SPADH: variants seen among roughly 807,000 people sequenced by gnomAD.
The protein encoded by SPADH is spermadhesin family member, also known as CUB domain-containing protein.
At chr10:122,675,802 T>C in the SPADH span, 1 of 212,310 alleles carries the variant, frequency 4.7e-6, no homozygotes, top group Non-Finnish European at 8.1e-6. Context: ...GACTTGGTAA[T>C]TGGATTCAGC....
At chr10:122,673,169 G>A in the SPADH span, among the ~76,000 whole-genome samples, 5 of 152,166 alleles carry the variant, frequency 3.3e-5, no homozygotes, top group East Asian at 3.9e-4. Context: ...CTGAGTTCCC[G>A]GTCTTGATGT....
the SPADH span, among the ~76,000 whole-genome samples, chr10:122,677,341 AT>A: frequency 6.6e-6 from 1 of 152,184 alleles, no homozygotes. Flanking sequence ...CTCCATAACA[AT>A]AAAACCACTT....
At chr10:122,679,081 G>T in the SPADH span, 3 of 888,622 alleles carry the variant, frequency 3.4e-6, no homozygotes, top group Non-Finnish European at 4.0e-6. Context: ...ACCTGCTGAT[G>T]CTCCCCTGCT....
the SPADH span, chr10:122,676,751 T>C: frequency 1.0e-6 from 1 of 985,402 alleles, no homozygotes; most frequent in Non-Finnish European, 1.2e-6. Flanking sequence ...TTTCTCCTCT[T>C]GTAGCACCCA....
the SPADH span, among the ~76,000 whole-genome samples, chr10:122,678,393 AG>A: frequency 1.3e-5 from 2 of 152,192 alleles, no homozygotes; most frequent in Non-Finnish European, 2.9e-5. Context: ...GCCAGGGGAA[AG>A]GAAGGCAGGA....
the SPADH span, chr10:122,675,770 AG>A: frequency 1.5e-5 from 5 of 327,532 alleles, no homozygotes; most frequent in East Asian, 8.4e-4. Flanking sequence ...GGCACGTACC[AG>A]GGATAATTCT....
the SPADH span, chr10:122,676,993 C>G: frequency 6.5e-6 from 5 of 771,860 alleles, no homozygotes; most frequent in Middle Eastern, 6.5e-4. Context: ...TCCATGACAG[C>G]CATTTGACAC....
At chr10:122,675,852 T>C in the SPADH span, among the ~76,000 whole-genome samples, 1 of 151,908 alleles carries the variant, frequency 6.6e-6, no homozygotes, top group Non-Finnish European at 1.5e-5. Flanking sequence ...CTCTCAGTGC[T>C]CCCCTCCATG....
the SPADH span, chr10:122,673,030 C>A: frequency 1.8e-6 from 1 of 548,008 alleles, no homozygotes; most frequent in Non-Finnish European, 2.3e-6. Context: ...AAGCCCATGG[C>A]TGATTAGCTG....
the SPADH span, chr10:122,676,619 G>A: frequency 1.3e-4 from 75 of 570,326 alleles, no homozygotes; most frequent in Middle Eastern, 4.6e-3. Flanking sequence ...ATCAGACTGG[G>A]CCATTAAGGT....
the SPADH span, among the ~76,000 whole-genome samples, chr10:122,678,530 T>A: frequency 1.3e-5 from 2 of 152,096 alleles, no homozygotes; most frequent in African/African-American, 4.8e-5. Context: ...ACACAGCTGA[T>A]GTTTTGACTA....
chr10:122,675,620 T>C, the SPADH span: 1 of 979,418 alleles, frequency 1.0e-6, no homozygotes, highest in Non-Finnish European at 1.2e-6. Flanking sequence ...ATGGTTTTTT[T>C]TGTTTTGTTT....
the SPADH span, chr10:122,679,076 C>T: frequency 5.4e-6 from 5 of 917,818 alleles, no homozygotes; most frequent in Non-Finnish European, 6.5e-6. Flanking sequence ...GAGGCACCTG[C>T]TGATGCTCCC....
At chr10:122,674,033 G>A in the SPADH span, among the ~76,000 whole-genome samples, 1 of 152,244 alleles carries the variant, frequency 6.6e-6, no homozygotes. Context: ...AACCCTAACA[G>A]CTTGGTGGAA....
At chr10:122,674,952 C>A in the SPADH span, among the ~76,000 whole-genome samples, 1 of 152,192 alleles carries the variant, frequency 6.6e-6, no homozygotes, top group Non-Finnish European at 1.5e-5. Flanking sequence ...CGTGGGCCTG[C>A]CCGCTAGATC....
the SPADH span, among the ~76,000 whole-genome samples, chr10:122,676,498 G>A: frequency 6.6e-6 from 1 of 152,182 alleles, no homozygotes; most frequent in East Asian, 1.9e-4. Flanking sequence ...TTTTAGTAAG[G>A]GGAGTTAAGT....
the SPADH span, chr10:122,675,499 C>T: frequency 6.5e-4 from 110 of 168,362 alleles, no homozygotes; most frequent in African/African-American, 2.5e-3. Flanking sequence ...CTTCTTCCTG[C>T]TTAGCTCTGT....
At chr10:122,674,092 G>A in the SPADH span, among the ~76,000 whole-genome samples, 1 of 152,354 alleles carries the variant, frequency 6.6e-6, no homozygotes, top group African/African-American at 2.4e-5. Flanking sequence ...GTGAAATCAA[G>A]AGACACAAAG....
the SPADH span, chr10:122,675,672 T>C: frequency 3.1e-5 from 30 of 982,150 alleles, no homozygotes; most frequent in South Asian, 4.7e-5. Flanking sequence ...TTGCCACAGG[T>C]AAATGCAGAC....
Sources: gnomAD v4.1 joint callset for allele counts (sites outside exome capture counted in the v4.1 genomes callset) on GRCh38, gnomAD v4.1.1 for gene constraint, MANE v1.5 for transcripts, NCBI Gene and HGNC (gene_info 2026-07-23, HGNC 2026-07-21) for gene names.